ATXN2: variants seen among roughly 807,000 people sequenced by gnomAD.
ATXN2 encodes ataxin-2.
In ATXN2, 37 loss-of-function variants were observed where a neutral mutation model predicts 138.6. The observed-to-expected ratio is 0.27, with a 90% CI of 0.21 to 0.35. The LOEUF is 0.35. Among genes scored for constraint, ATXN2 ranks in the 10% least tolerant of loss-of-function variants. The pLI is 1.00. For missense variants in ATXN2, 1,216 were observed against 1,480.3 expected, an observed-to-expected ratio of 0.82 and a Z score of 2.93; for synonymous variants, 549 against 543.7, an observed-to-expected ratio of 1.01 and a Z score of -0.13.
chr12:111,470,190 T>A lies in ATXN2; in HGVS notation c.2760A>T (p.Ala920=), dbSNP rs757288645. ...AACCAGGCTGGGCGTGTGTTGGTGG[T>A]GCCATCATTCTAGCATTACCCTGTA... ...PVIQGNARMM[A]PPTHAQPGLV... is the part of the protein sequence containing the mutation. Residue 920 remains alanine, a synonymous_variant, in exon 20 of 25, where the codon GCA becomes GCT. Coordinates refer to ENST00000673436, the MANE Select transcript of ATXN2 (RefSeq NM_001372574.1). 1.1e-5 allele frequency: 18 copies of A among 1,614,170 alleles called. No individual in the cohort carries two copies. The South Asian group carries it at 1.9e-4, about 17-fold the overall frequency.
rs1398641333 is a variant in ATXN2, at chr12:111,539,837, CA to C, written c.571+12442del. On this transcript the variant is annotated intron_variant, in intron 5 of 24. Coordinates refer to ENST00000673436, the MANE Select transcript of ATXN2 (RefSeq NM_001372574.1). ...CAAAAAAAGTAAATTCAGAAATGTT[CA>C]AGAATCAAAAAACAGAATTTAGGAA... is the stretch of plus-strand genomic sequence containing the variant. Among the ~76,000 whole-genome samples the C allele has an allele frequency of 2.0e-5, 3 of 150,086 alleles. No individual in the cohort carries two copies. The East Asian group carries it at 5.8e-4, about 29-fold the overall frequency.
At chr12:111,544,856 A>G (rs1477133035) in intron 5 of ATXN2, among the ~76,000 whole-genome samples, 1 of 152,224 alleles carries the variant, frequency 6.6e-6, no homozygotes, top group Non-Finnish European at 1.5e-5. Flanking sequence ...AGAAGAATTC[A>G]GGATTAAAAA....
At chr12:111,585,801 CAAAAAAAAAAAAAA>C (rs761433806) in intron 1 of ATXN2, among the ~76,000 whole-genome samples, 7 of 24,772 alleles carry the variant, frequency 2.8e-4, no homozygotes, top group South Asian at 4.3e-3. Flanking sequence ...AACTCCATCT[CAAAAAAAAAAAAAA>C]AAAAAAAAAA....
intron 11 of ATXN2, chr12:111,512,451 C>CTTTTTTTT (rs559068103): frequency 8.3e-6 from 1 of 120,166 alleles, no homozygotes; most frequent in Non-Finnish European, 1.7e-5. Context: ...AGTTTTTAAA[C>CTTTTTTTT]TTTTTTTTTT....
chr12:111,575,493 T>C (rs1883588523), intron 1 of ATXN2, among the ~76,000 whole-genome samples: 1 of 152,206 alleles, frequency 6.6e-6, no homozygotes, highest in African/African-American at 2.4e-5. Flanking sequence ...GATTTTGTTT[T>C]CCTCTTCATC....
intron 1 of ATXN2, among the ~76,000 whole-genome samples, chr12:111,563,552 A>G (rs1271667699): frequency 2.0e-5 from 3 of 152,158 alleles, no homozygotes; most frequent in Non-Finnish European, 4.4e-5. Context: ...CATATGTTTA[A>G]TAAGAATTTT....
chr12:111,554,023 T>C (rs151118388), intron 3 of ATXN2, 135 bp downstream of exon 3: 73 of 644,548 alleles, frequency 1.1e-4, no homozygotes, highest in Non-Finnish European at 1.7e-4. Context: ...AGTTCTAATC[T>C]ATTTCTCTAA....
intron 21 of ATXN2, among the ~76,000 whole-genome samples, chr12:111,464,247 G>GTGT (rs1875804191): frequency 7.4e-6 from 1 of 134,630 alleles, no homozygotes; most frequent in East Asian, 2.2e-4. Flanking sequence ...TGTGGCTTGG[G>GTGT]GTGTGTGTGT....
chr12:111,567,314 A>C (rs770088954), intron 1 of ATXN2, among the ~76,000 whole-genome samples: 1 of 151,880 alleles, frequency 6.6e-6, no homozygotes, highest in Non-Finnish European at 1.5e-5. Context: ...AGCCTCACCA[A>C]TATGGTGAAA....
chr12:111,482,494 C>A (rs1254800347), intron 18 of ATXN2, among the ~76,000 whole-genome samples: 2 of 151,978 alleles, frequency 1.3e-5, no homozygotes, highest in African/African-American at 2.4e-5. Context: ...TGCCCAGACT[C>A]TGAGTATATC....
chr12:111,556,942 T>C (rs1193053598), intron 1 of ATXN2, among the ~76,000 whole-genome samples: 1 of 151,032 alleles, frequency 6.6e-6, no homozygotes, highest in African/African-American at 2.4e-5. Flanking sequence ...GTGTGGATCG[T>C]TGTAACAAGT....
intron 18 of ATXN2, among the ~76,000 whole-genome samples, chr12:111,482,329 G>A (rs1486641499): frequency 1.3e-5 from 2 of 151,830 alleles, no homozygotes; most frequent in Non-Finnish European, 1.5e-5. Context: ...CGAGTAGCTG[G>A]GACTATAGGC....
rs941373841 is a variant in ATXN2 at position 111,453,269 on chromosome 12, G to A, written c.3439+408C>T. ...CACTCAAAGCCAGTCCATCCACAGCGCTTTCTCAGCAGTATCTTCTCCAGA... is the reference window on the plus strand; with the variant it reads ...CACTCAAAGCCAGTCCATCCACAGCACTTTCTCAGCAGTATCTTCTCCAGA... On this transcript the variant is annotated intron_variant, in intron 24 of 24. Transcript: ENST00000673436. This position sits in a 1 kb window ranked among gnomAD's most constrained non-coding sequence, Gnocchi z 5.4. 8.5e-6 allele frequency: 9 copies of A among 1,058,534 alleles called. No individual in the cohort carries two copies. Among genetic ancestry groups the A allele is most frequent in the African/African-American group, 6.7e-5 (4 of 59,636 alleles). 65.6% of individuals were successfully genotyped at this position (1,058,534 alleles called of 1,614,324 possible).
chr12:111,504,193 A>G (rs960017145), intron 14 of ATXN2, among the ~76,000 whole-genome samples: 1 of 152,250 alleles, frequency 6.6e-6, no homozygotes, highest in Non-Finnish European at 1.5e-5. Flanking sequence ...AGGATAAGAC[A>G]TAGAGATTCA....
intron 18 of ATXN2, among the ~76,000 whole-genome samples, chr12:111,483,030 T>C (rs966469512): frequency 6.6e-6 from 1 of 151,254 alleles, no homozygotes; most frequent in African/African-American, 2.4e-5. Flanking sequence ...CTACAAAAAA[T>C]ACAAAAATTA....
chr12:111,533,445 T>C (rs76508509), intron 5 of ATXN2, among the ~76,000 whole-genome samples: 31 of 152,296 alleles, frequency 2.0e-4, no homozygotes, highest in African/African-American at 7.0e-4. Context: ...GTGGTACTGC[T>C]TAAGGAATAA....
intron 1 of ATXN2, among the ~76,000 whole-genome samples, chr12:111,583,378 C>T (rs1003010442): frequency 3.3e-5 from 5 of 152,114 alleles, no homozygotes; most frequent in Non-Finnish European, 5.9e-5. Context: ...TGTGACCAAG[C>T]AGTTAAGTGC....
At chr12:111,526,371 A>T (rs181867737) in intron 5 of ATXN2, among the ~76,000 whole-genome samples, 2 of 151,252 alleles carry the variant, frequency 1.3e-5, no homozygotes, top group African/African-American at 4.9e-5. Flanking sequence ...AAAAAGAAAA[A>T]GAAAATTTCT....
chr12:111,452,982 C>T, intron 24 of ATXN2, 142 bp from the exon 25 acceptor site: 2 of 1,034,974 alleles, frequency 1.9e-6, no homozygotes, highest in South Asian at 3.0e-5. Flanking sequence ...CCCCTCCCAT[C>T]TGCACCAAAG....
Sources: gnomAD v4.1 joint callset for allele counts (sites outside exome capture counted in the v4.1 genomes callset) on GRCh38, gnomAD v4.1.1 for gene constraint, Gnocchi (gnomAD v3.1) non-coding constraint, MANE v1.5 for transcripts, NCBI Gene and HGNC (gene_info 2026-07-23, HGNC 2026-07-21) for gene names.